SLC25A24: variants seen among roughly 807,000 people sequenced by gnomAD.
SLC25A24 encodes the protein solute carrier family 25 member 24, also known as mitochondrial adenyl nucleotide antiporter SLC25A24.
Under a neutral mutation model 60.7 loss-of-function variants are expected in SLC25A24, and 49 were observed. The ratio of observed to expected loss-of-function variants is 0.81; its 90% CI spans 0.64 to 1.02. SLC25A24 has a LOEUF of 1.02. Ranked by LOEUF, SLC25A24 falls within the 50% of genes least tolerant of loss-of-function variation. SLC25A24 has a pLI of 0.00. For synonymous variants in SLC25A24, 202 were observed against 200.6 expected, an observed-to-expected ratio of 1.01 and a Z score of -0.06; for missense variants, 564 against 586.3, an observed-to-expected ratio of 0.96 and a Z score of 0.39.
At position 108,185,811 on chromosome 1, in the gene SLC25A24, AC is replaced by A. The variant is rs751254059; in HGVS notation, c.310+16del. On this transcript the variant is annotated intron_variant, in intron 2 of 9. Coordinates refer to ENST00000565488, the MANE Select transcript of SLC25A24 (RefSeq NM_013386.5). ...TGCTTCTTCATAGCTGGTGATAAAT[AC>A]AAAAGAAAGACACACCATCATTATT... is the stretch of plus-strand genomic sequence containing the variant. 9 of 1,571,218 alleles carry A rather than the reference AC, an allele frequency of 5.7e-6. No homozygotes were observed. The highest frequency in any genetic ancestry group is 7.8e-6 in the Non-Finnish European group (9 of 1,149,256).
At chr1:108,199,747 T>A in intron 1 of SLC25A24, 1 of 594,352 alleles carries the variant, frequency 1.7e-6, no homozygotes, top group Non-Finnish European at 3.0e-6. Flanking sequence ...CAAATACCAG[T>A]AGACTTTCGT....
rs898441992 is a variant in SLC25A24 at position 108,135,967 on chromosome 1, C to G, written c.*686G>C. On this transcript the variant is annotated 3_prime_UTR_variant, in exon 10 of 10. Coordinates refer to ENST00000565488, the MANE Select transcript of SLC25A24 (RefSeq NM_013386.5). ...AAACGGAATCTTTCAAATAAATTGC[C>G]TTGTGTTGGTAATTTAACAGTAATA... 4 of 152,160 alleles carry G rather than the reference C, an allele frequency of 2.6e-5. No homozygotes were observed. The highest frequency in any genetic ancestry group is 9.7e-5 in the African/African-American group (4 of 41,440). The allele number at this position is 152,160 out of a possible 1,614,324, so 9.4% of individuals were successfully genotyped here. A position where few individuals can be genotyped will look rare whatever the true frequency, so the allele number is the denominator to read the frequency against.
At position 108,200,041 on chromosome 1, in the gene SLC25A24, C is replaced by T. The variant is rs866607066; in HGVS notation, c.98G>A (p.Arg33His). The change falls in exon 1 of 10, where the codon CGC becomes CAC. Residue 33 changes from arginine to histidine, a missense_variant. Coordinates refer to ENST00000565488, the MANE Select transcript of SLC25A24 (RefSeq NM_013386.5). ...RYETLFQALD[R>H]NGDGVVDIGE... ...GATGTCCACCACTCCGTCCCCATTG[C>T]GGTCCAGTGCCTGGAAGAGGGTCTC... 6.2e-7 allele frequency: 1 copy of T among 1,608,354 alleles called. No homozygotes were observed. The highest frequency in any genetic ancestry group is 8.5e-7 in the Non-Finnish European group (1 of 1,177,858).
intron 6 of SLC25A24, among the ~76,000 whole-genome samples, chr1:108,151,233 C>A (rs1461813726): frequency 6.6e-6 from 1 of 151,464 alleles, no homozygotes; most frequent in Non-Finnish European, 1.5e-5. Context: ...AGAAAAAAAA[C>A]AAAAAAACAA....
chr1:108,156,464 C>T (rs1473962654), intron 5 of SLC25A24, among the ~76,000 whole-genome samples: 1 of 152,200 alleles, frequency 6.6e-6, no homozygotes, highest in Admixed American at 6.5e-5. Flanking sequence ...GAAAAACACA[C>T]ACCAATCCCC....
intron 6 of SLC25A24, among the ~76,000 whole-genome samples, chr1:108,151,726 T>C (rs1679762529): frequency 6.6e-6 from 1 of 152,222 alleles, no homozygotes; most frequent in Admixed American, 6.5e-5. Flanking sequence ...AAGATCTCTC[T>C]CTTAATGGCT....
At chr1:108,182,657 AC>A (rs1201721287) in intron 2 of SLC25A24, among the ~76,000 whole-genome samples, 1 of 151,960 alleles carries the variant, frequency 6.6e-6, no homozygotes, top group Non-Finnish European at 1.5e-5. Context: ...ACATGGTGAA[AC>A]CCCGTCTCTA....
chr1:108,158,514 T>C (rs969263353), intron 4 of SLC25A24, among the ~76,000 whole-genome samples: 4 of 152,158 alleles, frequency 2.6e-5, no homozygotes, highest in South Asian at 2.1e-4. Context: ...GTGTACAATT[T>C]ATCTAGGCAA....
rs492601 is a variant in SLC25A24, at chr1:108,182,144, G to A, written c.311-116C>T. Reference sequence around the variant, plus strand: ...GCTTTAAACTGATTAAGGCAAAATTGTGCATGTAGGTGAGTTATAGACTTG... The same window carrying A: ...GCTTTAAACTGATTAAGGCAAAATTATGCATGTAGGTGAGTTATAGACTTG... On this transcript the variant is annotated intron_variant, in intron 2 of 9. Coordinates refer to ENST00000565488, the MANE Select transcript of SLC25A24 (RefSeq NM_013386.5). 444,213 of 651,724 alleles carry A rather than the reference G, an allele frequency of 0.68. 153,294 individuals carry two copies. The highest frequency in any genetic ancestry group is 0.86 in the African/African-American group (47,335 of 54,910). The allele number at this position is 651,724 out of a possible 1,614,324, so 40.4% of individuals were successfully genotyped here.
Position 108,185,878 on chromosome 1 carries a change from T to A in SLC25A24, c.260A>T (p.His87Leu). 1 of 1,591,604 alleles carries A rather than the reference T, an allele frequency of 6.3e-7. No individual in the cohort carries two copies. The highest frequency in any genetic ancestry group is 8.6e-7 in the Non-Finnish European group (1 of 1,162,632). Residue 87 changes from histidine to leucine, a missense_variant, in exon 2 of 10, where the codon CAT becomes CTT. Transcript: ENST00000565488. The stretch of plus-strand genomic sequence containing the variant: ...AAATGCCAATTTCATTTTCTTCTCA[T>A]GGTCTTTAAGGTACTTCATAAATTC... ...FEEFMKYLKD[H>L]EKKMKLAFKS...
chr1:108,147,807 A>C lies in SLC25A24; in HGVS notation c.930+472T>G, dbSNP rs1427114046. Among the ~76,000 whole-genome samples, 42 of 152,122 alleles carry C rather than the reference A, an allele frequency of 2.8e-4. 1 individual carries two copies. The highest frequency in any genetic ancestry group is 2.9e-5 in the Non-Finnish European group (2 of 68,012). ...CTCCGGTTATTAACACCATTATACCAGCCCCTCCTACACTCTACCAGGGTT... is the reference window on the plus strand; with the variant it reads ...CTCCGGTTATTAACACCATTATACCCGCCCCTCCTACACTCTACCAGGGTT... On this transcript the variant is annotated intron_variant, in intron 7 of 9. Transcript: ENST00000565488.
chr1:108,172,999 T>C (rs1268342655), intron 3 of SLC25A24, among the ~76,000 whole-genome samples: 2 of 152,146 alleles, frequency 1.3e-5, no homozygotes, highest in African/African-American at 2.4e-5. Context: ...CCATGAGATA[T>C]CACTTCATAC....
At chr1:108,195,165 T>G (rs1648457583) in intron 1 of SLC25A24, among the ~76,000 whole-genome samples, 1 of 148,176 alleles carries the variant, frequency 6.7e-6, no homozygotes, top group Non-Finnish European at 1.5e-5. Flanking sequence ...TACAGAATGT[T>G]GTCTTGTGGA....
chr1:108,185,778 A>G, intron 2 of SLC25A24, 50 bp downstream of exon 2: 1 of 1,432,246 alleles, frequency 7.0e-7, no homozygotes. Context: ...TCTTGAAAGC[A>G]TGATAAATGC....
rs899922897 is a variant in SLC25A24 at position 108,139,091 on chromosome 1, A to G, written c.1216T>C (p.Leu406=). ...TGCATGCGAGTTCTCACCAAAGCCAATGGGTAGCTGGCCAGCTGACCACAG... is the reference window on the plus strand; with the variant it reads ...TGCATGCGAGTTCTCACCAAAGCCAGTGGGTAGCTGGCCAGCTGACCACAG... ...STCGQLASYP[L]ALVRTRMQAQ... Residue 406 remains leucine (L), a synonymous_variant, in exon 9 of 10, where the codon TTG becomes CTG. Transcript: ENST00000565488. 1.2e-6 allele frequency: 2 copies of G among 1,607,116 alleles called. No individual in the cohort carries two copies. The highest frequency in any genetic ancestry group is 1.7e-5 in the Admixed American group (1 of 58,906).
At chr1:108,188,491 GA>G in intron 1 of SLC25A24, among the ~76,000 whole-genome samples, 1 of 152,246 alleles carries the variant, frequency 6.6e-6, no homozygotes, top group East Asian at 1.9e-4. Flanking sequence ...TATAATCCAA[GA>G]GAAAAATGTC....
intron 3 of SLC25A24, among the ~76,000 whole-genome samples, chr1:108,162,021 C>T (rs1316518111): frequency 6.7e-6 from 1 of 149,048 alleles, no homozygotes; most frequent in African/African-American, 2.5e-5. Context: ...TGTTCAATTC[C>T]CACCTATGAG....
chr1:108,152,510 C>G (rs1489723776), intron 6 of SLC25A24, among the ~76,000 whole-genome samples: 1 of 152,114 alleles, frequency 6.6e-6, no homozygotes, highest in African/African-American at 2.4e-5. Context: ...GCACACACCC[C>G]CACGCCCAAC....
At chr1:108,154,916 T>G in intron 6 of SLC25A24, 67 bp downstream of exon 6, 1 of 1,230,992 alleles carries the variant, frequency 8.1e-7, no homozygotes, top group Non-Finnish European at 1.2e-6. Context: ...GCATTATACA[T>G]TAACATTTAT....
Sources: gnomAD v4.1 joint callset for allele counts (sites outside exome capture counted in the v4.1 genomes callset) on GRCh38, gnomAD v4.1.1 for gene constraint, MANE v1.5 for transcripts, NCBI Gene and HGNC (gene_info 2026-07-23, HGNC 2026-07-21) for gene names.